VPS13B: variants seen among roughly 807,000 people sequenced by gnomAD.
The protein encoded by VPS13B is intermembrane lipid transfer protein VPS13B.
VPS13B carries 285 observed loss-of-function variants against 426.4 expected under a neutral mutation model. The ratio of observed to expected loss-of-function variants is 0.67; its 90% confidence interval spans 0.61 to 0.74. The LOEUF is 0.74. Ranked by LOEUF, VPS13B falls within the 30% of genes least tolerant of loss-of-function variation. VPS13B has a pLI of 0.00. For synonymous variants in VPS13B, 1,676 were observed against 1,676.4 expected (o/e 1.00, Z 0.01); for missense variants, 4,537 against 4,782.6 (o/e 0.95, Z 1.51).
intron 43 of VPS13B, among the ~76,000 whole-genome samples, chr8:99,790,511 C>G (rs907032970): frequency 6.6e-6 from 1 of 152,090 alleles, no homozygotes; most frequent in African/African-American, 2.4e-5. Flanking sequence ...ATGACATTGT[C>G]TATCAGTCTA....
intron 39 of VPS13B, among the ~76,000 whole-genome samples, chr8:99,743,583 C>G (rs1158839012): frequency 6.6e-6 from 1 of 152,142 alleles, no homozygotes; most frequent in Non-Finnish European, 1.5e-5. Flanking sequence ...TACTACAAGG[C>G]TACAGTAACC....
intron 4 of VPS13B, among the ~76,000 whole-genome samples, chr8:99,098,087 A>G (rs1199360066): frequency 2.0e-5 from 3 of 152,180 alleles, no homozygotes; most frequent in Non-Finnish European, 4.4e-5. Flanking sequence ...GATTATAATT[A>G]TTGATGTGGT....
chr8:99,403,312 G>A (rs1021270362), intron 21 of VPS13B, among the ~76,000 whole-genome samples: 8 of 152,106 alleles, frequency 5.3e-5, no homozygotes, highest in African/African-American at 1.2e-4. Flanking sequence ...ACTTTAAGAG[G>A]TCGAGGTGGG....
chr8:99,640,598 C>A (rs956124657), intron 33 of VPS13B, among the ~76,000 whole-genome samples: 1 of 152,050 alleles, frequency 6.6e-6, no homozygotes, highest in African/African-American at 2.4e-5. Context: ...GCCTGTCTGT[C>A]CTGAGAAAAT....
At chr8:99,373,260 C>T (rs1478422908) in intron 19 of VPS13B, among the ~76,000 whole-genome samples, 2 of 151,692 alleles carry the variant, frequency 1.3e-5, no homozygotes, top group African/African-American at 4.9e-5. Context: ...AGCAGACCAC[C>T]ATGGCACATG....
intron 17 of VPS13B, among the ~76,000 whole-genome samples, chr8:99,213,011 C>A (rs1439008405): frequency 6.6e-6 from 1 of 152,102 alleles, no homozygotes; most frequent in Non-Finnish European, 1.5e-5. Flanking sequence ...CTCATTTAAG[C>A]AGATTTGATT....
rs946662825 is a variant in VPS13B at position 99,869,365 on chromosome 8, G to A, written c.11392+900G>A. Among the ~76,000 whole-genome samples, 38 of 152,310 alleles carry A rather than the reference G, an allele frequency of 2.5e-4. 1 individual carries two copies. The highest frequency in any genetic ancestry group is 4.0e-4 in the Non-Finnish European group (27 of 68,026). On this transcript the variant is annotated intron_variant, in intron 59 of 61. Transcript: ENST00000357162. ...TGCTCCTCAGCAGGCCTGACAAGAGGCAGCCAGATCGGGGCATAAAAACAA... is the reference window on the plus strand; with the variant it reads ...TGCTCCTCAGCAGGCCTGACAAGAGACAGCCAGATCGGGGCATAAAAACAA...
At chr8:99,793,683 G>A (rs1405414274) in intron 43 of VPS13B, among the ~76,000 whole-genome samples, 1 of 152,170 alleles carries the variant, frequency 6.6e-6, no homozygotes, top group Non-Finnish European at 1.5e-5. Flanking sequence ...CAATGTTTGA[G>A]AGACAGAGAA....
chr8:99,467,741 T>A, intron 24 of VPS13B, 107 bp downstream of exon 24: 1 of 1,207,246 alleles, frequency 8.3e-7, no homozygotes, highest in African/African-American at 1.5e-5. Context: ...CCTAAATTAT[T>A]TTTAACTTGG....
intron 39 of VPS13B, among the ~76,000 whole-genome samples, chr8:99,762,351 C>G (rs767646807): frequency 3.3e-5 from 5 of 152,130 alleles, no homozygotes; most frequent in Non-Finnish European, 7.4e-5. Flanking sequence ...ATATGTCTCT[C>G]TAGGGATTTA....
intron 3 of VPS13B, among the ~76,000 whole-genome samples, chr8:99,066,119 A>G (rs868359845): frequency 3.3e-5 from 5 of 152,232 alleles, no homozygotes; most frequent in Admixed American, 3.3e-4. Flanking sequence ...TGAAGCTACC[A>G]ATGACTTTCT....
At chr8:99,616,568 C>G (rs571334037) in intron 33 of VPS13B, among the ~76,000 whole-genome samples, 1 of 152,352 alleles carries the variant, frequency 6.6e-6, no homozygotes, top group African/African-American at 2.4e-5. Context: ...TGGCTCATGC[C>G]TGTAATCCCA....
chr8:99,218,167 G>A (rs1017256960), intron 17 of VPS13B, among the ~76,000 whole-genome samples: 11 of 152,264 alleles, frequency 7.2e-5, no homozygotes, highest in Admixed American at 5.2e-4. Context: ...ACTGCAGCTT[G>A]CAGTGGCCTG....
intron 25 of VPS13B, among the ~76,000 whole-genome samples, chr8:99,487,630 C>T (rs573479264): frequency 2.1e-4 from 32 of 152,250 alleles, no homozygotes; most frequent in Admixed American, 1.7e-3. Context: ...CCATGGTAAC[C>T]TCTATTCTAC....
At position 99,800,069 on chromosome 8, in the gene VPS13B, A is replaced by G. The variant is rs577650280; in HGVS notation, c.7942-9306A>G. Reference sequence around the variant, plus strand: ...GATCACCATTGACTATCATTCTGTTAAGAGTTTGTCTGCATAGCATCAGAA... The same window carrying G: ...GATCACCATTGACTATCATTCTGTTGAGAGTTTGTCTGCATAGCATCAGAA... On this transcript the variant is annotated intron_variant, in intron 43 of 61. Transcript: ENST00000357162. Among the ~76,000 whole-genome samples, 3 of 152,304 alleles carry G rather than the reference A, an allele frequency of 2.0e-5. No individual in the cohort carries two copies. In the East Asian group the frequency reaches 5.8e-4, roughly 29 times the overall value.
intron 17 of VPS13B, among the ~76,000 whole-genome samples, chr8:99,214,411 A>G (rs528955039): frequency 6.6e-6 from 1 of 152,306 alleles, no homozygotes; most frequent in African/African-American, 2.4e-5. Flanking sequence ...TGTACTTTTT[A>G]TCTGTAGAGA....
chr8:99,063,585 G>T (rs1844315551), intron 3 of VPS13B, among the ~76,000 whole-genome samples: 1 of 152,198 alleles, frequency 6.6e-6, no homozygotes, highest in African/African-American at 2.4e-5. Flanking sequence ...GAACTGGGTG[G>T]AGCCAACCAC....
At chr8:99,084,168 T>C (rs1845637839) in intron 3 of VPS13B, among the ~76,000 whole-genome samples, 1 of 152,234 alleles carries the variant, frequency 6.6e-6, no homozygotes, top group African/African-American at 2.4e-5. Flanking sequence ...ATTCAACTTC[T>C]TCCTGGGTTA....
chr8:99,755,986 G>A (rs530839877), intron 39 of VPS13B, among the ~76,000 whole-genome samples: 3 of 152,020 alleles, frequency 2.0e-5, no homozygotes, highest in South Asian at 4.2e-4. Flanking sequence ...TTAAAAAAGC[G>A]ATCAATAGAA....
Sources: allele counts gnomAD v4.1 joint callset (sites outside exome capture counted in the v4.1 genomes callset), GRCh38; gene constraint gnomAD v4.1.1; transcripts MANE v1.5; gene names NCBI Gene and HGNC (gene_info 2026-07-23, HGNC 2026-07-21).